The following QKI variants were observed in gnomAD, a reference collection of about 807,000 sequenced individuals.
The protein encoded by QKI is KH domain-containing RNA-binding protein QKI.
In QKI, 10 loss-of-function variants were observed where a neutral mutation model predicts 39.0. The observed-to-expected ratio is 0.26, with a 90% CI of 0.16 to 0.43. QKI has a LOEUF of 0.43. Among genes scored for constraint, QKI ranks in the 20% least tolerant of loss-of-function variants. QKI has a pLI of 1.00. For synonymous variants in QKI, 204 were observed against 155.4 expected (o/e 1.31, Z -2.33); for missense variants, 218 against 428.0 (o/e 0.51, Z 4.33).
rs530978294 is a variant in QKI at position 163,540,537 on chromosome 6, A to C, written c.546+5412A>C. ...TAGACTTCTTTGTTTTTTACCAACA[A>C]GCGTGCAAACTCAGAGAAGCTTGAG... On this transcript the variant is annotated intron_variant, in intron 4 of 7. Transcript: ENST00000361752. 9.2e-5 allele frequency among the ~76,000 whole-genome samples: 14 copies of C among 152,318 alleles called. No individual in the cohort carries two copies. The South Asian group carries it at 2.7e-3, about 29-fold the overall frequency.
At chr6:163,504,347 T>C (rs1778966222) in intron 3 of QKI, among the ~76,000 whole-genome samples, 1 of 152,198 alleles carries the variant, frequency 6.6e-6, no homozygotes, top group Non-Finnish European at 1.5e-5. Flanking sequence ...TTGGGCTCTT[T>C]TTTGGTTACA....
intron 2 of QKI, among the ~76,000 whole-genome samples, chr6:163,472,012 A>G (rs552844487): frequency 6.6e-6 from 1 of 152,262 alleles, no homozygotes; most frequent in East Asian, 1.9e-4. Flanking sequence ...TCATAATGAC[A>G]GAAAGATATA....
intron 1 of QKI, among the ~76,000 whole-genome samples, chr6:163,421,763 C>T (rs1468774473): frequency 7.2e-4 from 100 of 139,326 alleles, no homozygotes; most frequent in Non-Finnish European, 1.3e-3. Context: ...TTTTTTTTTT[C>T]AGTTGGAGTC....
intron 1 of QKI, among the ~76,000 whole-genome samples, chr6:163,449,479 A>C (rs1790389737): frequency 1.3e-5 from 2 of 152,218 alleles, no homozygotes; most frequent in Admixed American, 1.3e-4. Flanking sequence ...TGTCTATAAC[A>C]TCAGCATTGC....
At chr6:163,510,218 A>AATT (rs1426168600) in intron 3 of QKI, among the ~76,000 whole-genome samples, 39 of 998 alleles carry the variant, frequency 0.039, 1 homozygote, top group Admixed American at 0.16. Context: ...TCTATCTCAA[A>AATT]ATAATAATAA....
chr6:163,498,550 C>T (rs1562489416), intron 3 of QKI, among the ~76,000 whole-genome samples: 1 of 151,984 alleles, frequency 6.6e-6, no homozygotes, highest in East Asian at 1.9e-4. Flanking sequence ...CCTCATCCCC[C>T]TTCACTTTCA....
At chr6:163,468,908 G>T (rs1280313839) in intron 2 of QKI, among the ~76,000 whole-genome samples, 4 of 147,038 alleles carry the variant, frequency 2.7e-5, no homozygotes, top group African/African-American at 9.9e-5. Context: ...GCTGTGATTA[G>T]TTTTTTTTTT....
At chr6:163,569,709 GCTT>G (rs1299626000) in intron 7 of QKI, 2 of 991,600 alleles carry the variant, frequency 2.0e-6, no homozygotes, top group Non-Finnish European at 2.4e-6. Context: ...TTTACAGGTG[GCTT>G]CTTTTAAAAT....
At chr6:163,545,459 TC>T (rs1781807042) in intron 4 of QKI, among the ~76,000 whole-genome samples, 3 of 152,056 alleles carry the variant, frequency 2.0e-5, no homozygotes, top group African/African-American at 7.2e-5. Flanking sequence ...ACCATAATTA[TC>T]TAAATCATTG....
At chr6:163,430,234 A>C (rs886829037) in intron 1 of QKI, among the ~76,000 whole-genome samples, 1 of 152,036 alleles carries the variant, frequency 6.6e-6, no homozygotes, top group African/African-American at 2.4e-5. Flanking sequence ...AGATTTTCTT[A>C]TCTCTATCCT....
intron 7 of QKI, chr6:163,567,759 C>T (rs1314300458): frequency 3.0e-6 from 3 of 984,740 alleles, no homozygotes; most frequent in African/African-American, 1.7e-5. Context: ...TATTATGGCA[C>T]ATTTGTTTCC....
intron 7 of QKI, chr6:163,568,596 A>G: frequency 1.3e-5 from 13 of 977,662 alleles, no homozygotes; most frequent in Non-Finnish European, 1.5e-5. Context: ...AAATTATTTT[A>G]TGATACTACT....
intron 4 of QKI, among the ~76,000 whole-genome samples, chr6:163,536,704 A>C (rs2321703): frequency 6.6e-6 from 1 of 151,744 alleles, no homozygotes; most frequent in Non-Finnish European, 1.5e-5. Flanking sequence ...TGAAAAATAA[A>C]TGATTGAATC....
chr6:163,508,874 C>A (rs1411965818), intron 3 of QKI, among the ~76,000 whole-genome samples: 1 of 151,804 alleles, frequency 6.6e-6, no homozygotes, highest in Non-Finnish European at 1.5e-5. Context: ...CACGGTGGCT[C>A]ACACTTGTAA....
At chr6:163,534,511 C>T (rs1781072456) in intron 3 of QKI, among the ~76,000 whole-genome samples, 1 of 152,152 alleles carries the variant, frequency 6.6e-6, no homozygotes, top group Admixed American at 6.5e-5. Context: ...TGATTCAGTT[C>T]CTAAATTGAC....
intron 1 of QKI, among the ~76,000 whole-genome samples, chr6:163,441,954 CTG>C (rs1219342948): frequency 6.6e-6 from 1 of 152,180 alleles, no homozygotes; most frequent in Non-Finnish European, 1.5e-5. Context: ...TTTATACCAA[CTG>C]AGATGGGAAA....
chr6:163,453,083 A>G lies in QKI; in HGVS notation c.143-2196A>G, dbSNP rs914554009. 1.1e-4 allele frequency among the ~76,000 whole-genome samples: 16 copies of G among 151,736 alleles called. No homozygotes were observed. In the East Asian group the frequency reaches 2.5e-3, roughly 24 times the overall value. On this transcript the variant is annotated intron_variant, in intron 1 of 7. Coordinates refer to ENST00000361752, the MANE Select transcript of QKI (RefSeq NM_006775.3). ...TATCTGAATTTTCTGATAACTTGCA[A>G]TAGATTCTTTTGTTTTTTTTTTTTC...
At position 163,577,368 on chromosome 6, in the gene QKI, C is replaced by T. The variant is rs529908025; in HGVS notation, c.*6658C>T. ...GGTGTTTTGCTTTTTAAACTACTTG[C>T]CATAATTTAAAAGTGGCAACACTAG... is the stretch of plus-strand genomic sequence containing the variant. On this transcript the variant is annotated 3_prime_UTR_variant, in exon 8 of 8. Transcript: ENST00000361752. 2 of 151,518 alleles carry T rather than the reference C, an allele frequency of 1.3e-5. No homozygotes were observed. The highest frequency in any genetic ancestry group is 2.9e-5 in the Non-Finnish European group (2 of 67,946). The allele number at this position is 151,518 out of a possible 1,614,324, so 9.4% of individuals were successfully genotyped here.
At chr6:163,560,869 A>G (rs748983380) in intron 4 of QKI, among the ~76,000 whole-genome samples, 19 of 152,362 alleles carry the variant, frequency 1.2e-4, no homozygotes, top group Non-Finnish European at 1.9e-4. Flanking sequence ...GTGCTATGCC[A>G]AAAACAACTG....
Sources: allele counts gnomAD v4.1 joint callset (sites outside exome capture counted in the v4.1 genomes callset), GRCh38; gene constraint gnomAD v4.1.1; transcripts MANE v1.5; gene names NCBI Gene and HGNC (gene_info 2026-07-23, HGNC 2026-07-21).